The following RFC3 variants were observed in gnomAD, a reference collection of about 807,000 sequenced individuals.
RFC3 encodes A1 38 kDa subunit.
A neutral mutation model predicts 45.1 loss-of-function variants in RFC3; 41 were observed. That is an observed-to-expected ratio of 0.91 (90% CI 0.71 to 1.18). The LOEUF (loss-of-function observed/expected upper bound fraction) is 1.18. Ranked by LOEUF, RFC3 falls within the 50% of genes most tolerant of loss-of-function variation. The pLI is 0.00. For missense variants in RFC3, 423 were observed against 428.1 expected (o/e 0.99, Z 0.10); for synonymous variants, 149 against 144.0 (o/e 1.03, Z -0.25).
chr13:33,936,204 G>A (rs746315733), intron 8 of RFC3, among the ~76,000 whole-genome samples: 5 of 152,052 alleles, frequency 3.3e-5, no homozygotes, highest in Non-Finnish European at 7.4e-5. Context: ...GTAATCACTG[G>A]GCAGATCATA....
At chr13:33,893,107 C>T (rs1273655629) in intron 8 of RFC3, among the ~76,000 whole-genome samples, 2 of 152,112 alleles carry the variant, frequency 1.3e-5, no homozygotes, top group Admixed American at 6.6e-5. Flanking sequence ...CCATCCCCAG[C>T]CCTGGAAACT....
intron 8 of RFC3, among the ~76,000 whole-genome samples, chr13:33,945,895 T>G (rs1038326659): frequency 2.6e-5 from 4 of 152,224 alleles, no homozygotes; most frequent in African/African-American, 9.6e-5. Flanking sequence ...TCATCTTTGT[T>G]TCCTCTTTCC....
At chr13:33,949,322 C>T (rs568055775) in intron 8 of RFC3, among the ~76,000 whole-genome samples, 10 of 152,114 alleles carry the variant, frequency 6.6e-5, no homozygotes, top group East Asian at 1.9e-4. Context: ...CTCAGTGATG[C>T]GGAACTGTGA....
intron 8 of RFC3, among the ~76,000 whole-genome samples, chr13:33,858,676 A>T (rs2082322035): frequency 6.6e-6 from 1 of 152,236 alleles, no homozygotes; most frequent in Admixed American, 6.5e-5. Context: ...GTTGGAGAAC[A>T]GTGGGGCATA....
intron 1 of RFC3, among the ~76,000 whole-genome samples, chr13:33,818,881 GTTTTTTTTTTTTTT>G (rs72236854): frequency 8.9e-6 from 1 of 112,040 alleles, no homozygotes; most frequent in African/African-American, 3.4e-5. Context: ...CCTGAGATTA[GTTTTTTTTTTTTTT>G]TTTTTTTTTT....
In RFC3 at chr13:33,900,535, G is replaced by A. The variant is rs867739445; in HGVS notation, c.879+65318G>A. On this transcript the variant is annotated intron_variant, in intron 8 of 8. Coordinates refer to the RFC3 transcript ENST00000434425. Reference sequence around the variant, plus strand: ...TCTATCACCATATAGAAAAAAAAACGTATTAAGACCTGTATTAAATCTAAG... The same window carrying A: ...TCTATCACCATATAGAAAAAAAAACATATTAAGACCTGTATTAAATCTAAG... Among the ~76,000 whole-genome samples, 10 of 121,134 alleles carry A rather than the reference G, an allele frequency of 8.3e-5. No individual in the cohort carries two copies. In the South Asian group the frequency reaches 2.5e-3, roughly 30 times the overall value. 79.5% of individuals were successfully genotyped at this position (121,134 alleles called of 152,430 possible).
At chr13:33,971,086 A>G (rs1209336938), downstream of RFC3, among the ~76,000 whole-genome samples, 1 of 152,238 alleles carries the variant, frequency 6.6e-6, no homozygotes, top group African/African-American at 2.4e-5. Flanking sequence ...AAATATAACA[A>G]ATATCCATTA....
At chr13:33,906,900 T>G (rs1007973084) in intron 8 of RFC3, among the ~76,000 whole-genome samples, 2 of 152,142 alleles carry the variant, frequency 1.3e-5, no homozygotes, top group Non-Finnish European at 1.5e-5. Flanking sequence ...GTAATCATGG[T>G]TCATTGCAGC....
intron 8 of RFC3, among the ~76,000 whole-genome samples, chr13:33,916,773 T>TA (rs2082736258): frequency 6.7e-6 from 1 of 148,620 alleles, no homozygotes; most frequent in South Asian, 2.1e-4. Context: ...TGCATGTACA[T>TA]ACACATATAT....
At chr13:33,834,608 C>T (rs546047125) in intron 7 of RFC3, among the ~76,000 whole-genome samples, 1 of 151,992 alleles carries the variant, frequency 6.6e-6, no homozygotes, top group South Asian at 2.1e-4. Context: ...TTTTACTGTG[C>T]AATCTAGGCA....
downstream of RFC3, among the ~76,000 whole-genome samples, chr13:33,970,458 G>T (rs755102081): frequency 2.0e-5 from 3 of 152,198 alleles, no homozygotes; most frequent in Non-Finnish European, 4.4e-5. Flanking sequence ...CCAGTAATGG[G>T]ATTGTTGGAC....
the RFC3 span, among the ~76,000 whole-genome samples, chr13:33,972,946 C>T: frequency 2.0e-5 from 3 of 152,202 alleles, no homozygotes; most frequent in Middle Eastern, 3.4e-3. Context: ...TAAGAATCGC[C>T]ACAGTGATTT....
At chr13:33,904,648 A>G (rs2082661238) in intron 8 of RFC3, among the ~76,000 whole-genome samples, 1 of 152,014 alleles carries the variant, frequency 6.6e-6, no homozygotes, top group Admixed American at 6.6e-5. Context: ...AAGCGTCAGG[A>G]TAGAGTCCAG....
In RFC3 at chr13:33,836,085, A is replaced by T; in HGVS notation, c.880-19A>T. On this transcript the variant is annotated intron_variant, in intron 8 of 8. Coordinates refer to ENST00000380071, the MANE Select transcript of RFC3 (RefSeq NM_002915.4). ...TGTTTTTATTAATGATTTTTAAATT[A>T]CTGATTATTTTTGTTTAGGGCCTTC... is the stretch of plus-strand genomic sequence containing the variant. 2 of 1,590,192 alleles carry T rather than the reference A, an allele frequency of 1.3e-6. No individual in the cohort carries two copies. The highest frequency in any genetic ancestry group is 1.7e-6 in the Non-Finnish European group (2 of 1,164,108).
intron 8 of RFC3, among the ~76,000 whole-genome samples, chr13:33,904,177 T>G (rs2082658423): frequency 6.6e-6 from 1 of 152,086 alleles, no homozygotes; most frequent in South Asian, 2.1e-4. Context: ...ATGCCCAGCC[T>G]CTAGTACATT....
At chr13:33,820,184 C>T (rs959811817) in intron 1 of RFC3, among the ~76,000 whole-genome samples, 1 of 152,190 alleles carries the variant, frequency 6.6e-6, no homozygotes, top group Admixed American at 6.5e-5. Context: ...TCATCAGAAA[C>T]ACCCGAAAAG....
At chr13:33,873,422 C>T (rs1189383572) in intron 8 of RFC3, among the ~76,000 whole-genome samples, 1 of 152,220 alleles carries the variant, frequency 6.6e-6, no homozygotes, top group African/African-American at 2.4e-5. Flanking sequence ...ACTCCAAATA[C>T]TCTGCTGTTT....
intron 8 of RFC3, among the ~76,000 whole-genome samples, chr13:33,955,083 A>T (rs1028192224): frequency 1.3e-5 from 2 of 152,190 alleles, no homozygotes; most frequent in Admixed American, 6.5e-5. Flanking sequence ...TCTAAATCTT[A>T]TGGTGCTAAT....
intron 8 of RFC3, among the ~76,000 whole-genome samples, chr13:33,958,247 G>T (rs997882569): frequency 6.6e-6 from 1 of 152,152 alleles, no homozygotes; most frequent in South Asian, 2.1e-4. Context: ...TAAAAGAAAC[G>T]TCAAGTACAA....
Sources: gnomAD v4.1 joint callset for allele counts (sites outside exome capture counted in the v4.1 genomes callset) on GRCh38, gnomAD v4.1.1 for gene constraint, MANE v1.5 for transcripts, NCBI Gene and HGNC (gene_info 2026-07-23, HGNC 2026-07-21) for gene names.